Variants in DOP1B observed in about 807,000 individuals in gnomAD.
DOP1B encodes the protein DOP1 leucine zipper like protein B.
A neutral mutation model predicts 233.5 loss-of-function variants in DOP1B; 174 were observed. That is an observed-to-expected ratio of 0.75 (90% CI 0.66 to 0.85). The LOEUF is 0.85. DOP1B is among the 40% of genes least tolerant of loss of function. The pLI, the probability that DOP1B is intolerant of heterozygous loss-of-function variation, is 0.00. For missense variants in DOP1B, 2,652 were observed against 2,846.6 expected, an observed-to-expected ratio of 0.93 and a Z score of 1.56; for synonymous variants, 1,190 against 1,185.6, an observed-to-expected ratio of 1.00 and a Z score of -0.08.
chr21:36,166,904 T>G (rs2065916368), intron 2 of DOP1B, among the ~76,000 whole-genome samples: 1 of 152,230 alleles, frequency 6.6e-6, no homozygotes, highest in Non-Finnish European at 1.5e-5. Flanking sequence ...GACCTGTAAA[T>G]GTCACGGCTC....
rs184121267 is a variant in DOP1B, at chr21:36,255,934, C to A, written c.5259+2025C>A. On this transcript the variant is annotated intron_variant, in intron 23 of 36. Transcript: ENST00000691173. ...GCCCATGTTGTCTAGAGAGCTTCTT[C>A]AATTATACACGGTGGATTTAAAACA... is the stretch of plus-strand genomic sequence containing the variant. Among the ~76,000 whole-genome samples the A allele has an allele frequency of 2.9e-3, 439 of 152,218 alleles. 6 individuals are homozygous for A. The highest frequency in any genetic ancestry group is 0.026 in the Admixed American group (401 of 15,288).
At chr21:36,162,363 T>G (rs2065876943) in intron 1 of DOP1B, among the ~76,000 whole-genome samples, 1 of 152,066 alleles carries the variant, frequency 6.6e-6, no homozygotes, top group African/African-American at 2.4e-5. Context: ...CCCTGCTAAT[T>G]TTTGTATTGT....
chr21:36,255,305 T>C (rs2067081414), intron 23 of DOP1B, among the ~76,000 whole-genome samples: 1 of 151,664 alleles, frequency 6.6e-6, no homozygotes, highest in Non-Finnish European at 1.5e-5. Context: ...CTAATTTTTG[T>C]ATTTTTTTTT....
At position 36,237,270 on chromosome 21, in the gene DOP1B, T is replaced by C. The variant is rs569346239; in HGVS notation, c.2631T>C (p.Ala877=). The change falls in exon 16 of 37, where the codon GCT becomes GCC. Residue 877 remains alanine (A), a synonymous_variant. Transcript: ENST00000691173. ...CCTTTTCCTTGTCCCAGAGGGTGGC[T>C]CGTGTGCTTTGGAATCAGCTGAACA... ...AEKTDFYQRV[A]RVLWNQLNKE... is the part of the protein sequence containing the mutation. 3 of 1,614,028 alleles carry C rather than the reference T, an allele frequency of 1.9e-6. No homozygotes were observed. Among genetic ancestry groups the C allele is most frequent in the Non-Finnish European group, 2.5e-6 (3 of 1,180,030 alleles).
intron 23 of DOP1B, among the ~76,000 whole-genome samples, chr21:36,259,041 C>T (rs2067139891): frequency 6.7e-6 from 1 of 148,844 alleles, no homozygotes; most frequent in African/African-American, 2.5e-5. Flanking sequence ...TCTCGGCTCA[C>T]TGCAAGCTCC....
chr21:36,272,447 C>T (rs1420416458), intron 27 of DOP1B, among the ~76,000 whole-genome samples: 17 of 151,616 alleles, frequency 1.1e-4, no homozygotes, highest in African/African-American at 3.9e-4. Context: ...GTCAGGAGTT[C>T]GAGACTGGCC....
Position 36,239,827 on chromosome 21 carries a change from A to G in DOP1B, c.2939A>G (p.Gln980Arg). ...CTDGAIGAAAQGWLVRALSLG... is the reference protein window; with the variant it reads ...CTDGAIGAAARGWLVRALSLG... Reference sequence around the variant, plus strand: ...GATGGTGCCATCGGTGCGGCAGCCCAGGGCTGGCTGGTGCGTGCGCTCTCC... The same window carrying G: ...GATGGTGCCATCGGTGCGGCAGCCCGGGGCTGGCTGGTGCGTGCGCTCTCC... The change falls in exon 18 of 37, where the codon CAG becomes CGG. Residue 980 changes from glutamine (Q) to arginine (R), a missense_variant. By Grantham distance (43) the Gln-to-Arg change is conservative. Coordinates refer to ENST00000691173, the MANE Select transcript of DOP1B (RefSeq NM_001320714.2). The G allele has an allele frequency of 1.9e-6, 3 of 1,572,696 alleles. No individual in the cohort carries two copies. The highest frequency in any genetic ancestry group is 1.2e-5 in the South Asian group (1 of 86,350).
chr21:36,246,519 C>T lies in DOP1B; in HGVS notation c.4539C>T (p.Tyr1513=), dbSNP rs749231283. The T allele has an allele frequency of 1.5e-5, 25 of 1,614,030 alleles. No homozygotes were observed. Among genetic ancestry groups the T allele is most frequent in the South Asian group, 5.5e-5 (5 of 91,092 alleles). ...GGGGTCTGCAGCCCGCCTACGGTTA[C>T]GGCATGCATCCGGCCTGGGTGAGCT... ...VVRGLQPAYG[Y]GMHPAWVSLV... Residue 1513 remains tyrosine (Y), a synonymous_variant, in exon 19 of 37, where the codon TAC becomes TAT. Coordinates refer to ENST00000691173, the MANE Select transcript of DOP1B (RefSeq NM_001320714.2). This position sits in a 1 kb window ranked among gnomAD's most constrained non-coding sequence, Gnocchi z 5.1.
intron 4 of DOP1B, among the ~76,000 whole-genome samples, chr21:36,204,624 C>T (rs1454664593): frequency 6.6e-6 from 1 of 150,426 alleles, no homozygotes; most frequent in African/African-American, 2.5e-5. Flanking sequence ...ACTGAGATTA[C>T]AGGCATGAGC....
At chr21:36,223,555 A>G (rs922953180) in intron 11 of DOP1B, among the ~76,000 whole-genome samples, 9 of 152,216 alleles carry the variant, frequency 5.9e-5, no homozygotes. Flanking sequence ...GAAGGTTCAC[A>G]TAATCTTTGC....
chr21:36,238,015 A>G (rs1257307332), intron 16 of DOP1B, among the ~76,000 whole-genome samples: 1 of 152,144 alleles, frequency 6.6e-6, no homozygotes, highest in Non-Finnish European at 1.5e-5. Context: ...TAAAAATACA[A>G]TATTAGCCGG....
chr21:36,236,258 C>T (rs1314163676), intron 15 of DOP1B, among the ~76,000 whole-genome samples: 1 of 152,214 alleles, frequency 6.6e-6, no homozygotes, highest in Admixed American at 6.5e-5. Context: ...TAGCCCTTTG[C>T]AGACCATGCA....
At chr21:36,172,082 A>G (rs2284622) in intron 2 of DOP1B, among the ~76,000 whole-genome samples, 56,603 of 151,924 alleles carry the variant, frequency 0.37, 10,696 homozygotes, top group South Asian at 0.5. Context: ...GGGAAGGGCA[A>G]TCTGGGGCAT....
At chr21:36,228,968 C>CT (rs1332027827) in intron 13 of DOP1B, among the ~76,000 whole-genome samples, 1 of 151,870 alleles carries the variant, frequency 6.6e-6, no homozygotes, top group Non-Finnish European at 1.5e-5. Flanking sequence ...GACCCTGTCT[C>CT]TACAAAAAAA....
Position 36,227,822 on chromosome 21 carries a change from G to A in DOP1B, c.1610G>A (p.Ser537Asn), listed in dbSNP as rs1317936051. Residue 537 changes from serine to asparagine, a missense_variant, in exon 13 of 37, where the codon AGC (serine) becomes AAC (asparagine). By Grantham distance (46) the Ser-to-Asn change is conservative. This residue lies in a region of DOP1B where 2,617 missense variants were observed against 2,794.3 expected (regional missense o/e 0.94). Transcript: ENST00000691173. ...HALKTCFKVL[S>N]KVQMPPSYLD... is the part of the protein sequence containing the mutation. Reference sequence around the variant, plus strand: ...TTGAAGACGTGTTTCAAGGTGCTCAGCAAAGTCCAGATGCCTCCTTCCTAC... The same window carrying A: ...TTGAAGACGTGTTTCAAGGTGCTCAACAAAGTCCAGATGCCTCCTTCCTAC... 1 of 1,612,994 alleles carries A rather than the reference G, an allele frequency of 6.2e-7. No homozygotes were observed.
At chr21:36,257,757 G>A (rs1741414658) in intron 23 of DOP1B, among the ~76,000 whole-genome samples, 1 of 144,304 alleles carries the variant, frequency 6.9e-6, no homozygotes, top group Non-Finnish European at 1.5e-5. Flanking sequence ...GGTAGATGTA[G>A]GTAGGTAGGT....
chr21:36,225,526 T>G, intron 11 of DOP1B, 39 bp from the exon 12 acceptor site: 1 of 1,611,210 alleles, frequency 6.2e-7, no homozygotes, highest in Admixed American at 1.7e-5. Context: ...CCTCCATGCC[T>G]GGCCAAAGAA....
chr21:36,206,355 ACT>A (rs1438896026), intron 4 of DOP1B, among the ~76,000 whole-genome samples: 1 of 151,920 alleles, frequency 6.6e-6, no homozygotes, highest in Non-Finnish European at 1.5e-5. Context: ...ACATGGTGAA[ACT>A]CTGTCTACAT....
intron 24 of DOP1B, 117 bp from the exon 25 acceptor site, chr21:36,263,429 G>T (rs2067196164): frequency 1.3e-6 from 1 of 794,086 alleles, no homozygotes; most frequent in African/African-American, 1.7e-5. Flanking sequence ...AAAAAGGTCA[G>T]TGAGGTATGC....
Sources: allele counts gnomAD v4.1 joint callset (sites outside exome capture counted in the v4.1 genomes callset), GRCh38; gene constraint gnomAD v4.1.1; regional missense constraint gnomAD v4.1.1; non-coding constraint Gnocchi (gnomAD v3.1); transcripts MANE v1.5; gene names NCBI Gene and HGNC (gene_info 2026-07-23, HGNC 2026-07-21).